The following LAMB4 variants were observed in gnomAD, a reference collection of about 807,000 sequenced individuals.
LAMB4 encodes the protein laminin subunit beta-4.
In LAMB4, 196 loss-of-function variants were observed where a neutral mutation model predicts 199.2. The ratio of observed to expected loss-of-function variants is 0.98; its 90% CI spans 0.88 to 1.11. The LOEUF is 1.11. Among genes scored for constraint, LAMB4 ranks in the 50% least tolerant of loss-of-function variants. The pLI is 0.00. For missense variants in LAMB4, 2,080 were observed against 2,171.2 expected (o/e 0.96, Z 0.83); for synonymous variants, 744 against 770.6 (o/e 0.97, Z 0.57).
intron 9 of LAMB4, among the ~76,000 whole-genome samples, chr7:108,103,467 T>C (rs752972241): frequency 2.0e-5 from 3 of 152,228 alleles, no homozygotes; most frequent in Non-Finnish European, 4.4e-5. Context: ...ATGTTAAATA[T>C]GTAGTTTTTA....
chr7:108,066,312 G>T (rs2036338837), intron 20 of LAMB4, 57 bp downstream of exon 20: 1 of 1,260,414 alleles, frequency 7.9e-7, no homozygotes, highest in South Asian at 1.3e-5. Flanking sequence ...ATCTCTATTA[G>T]GAGATTGGAA....
At chr7:108,046,989 A>T (rs1268075269) in intron 28 of LAMB4, among the ~76,000 whole-genome samples, 2 of 151,644 alleles carry the variant, frequency 1.3e-5, no homozygotes, top group Non-Finnish European at 2.9e-5. Flanking sequence ...CAGGTCTTGA[A>T]CCCCTGGGCT....
chr7:108,077,158 T>C (rs2036734475), intron 16 of LAMB4, 94 bp from the exon 17 acceptor site: 1 of 1,309,780 alleles, frequency 7.6e-7, no homozygotes, highest in Admixed American at 1.8e-5. Context: ...GCACTTGTAC[T>C]GGGCAGTGAC....
chr7:108,051,972 G>T (rs1454171880), intron 26 of LAMB4, 125 bp downstream of exon 26: 2 of 620,242 alleles, frequency 3.2e-6, no homozygotes, highest in East Asian at 2.8e-5. Flanking sequence ...TTTAATGGTT[G>T]TGTTTGCATG....
chr7:108,079,401 T>A (rs1041864679), intron 15 of LAMB4, among the ~76,000 whole-genome samples, 200 bp downstream of exon 15: 1 of 152,216 alleles, frequency 6.6e-6, no homozygotes, highest in Non-Finnish European at 1.5e-5. Context: ...CTTCTCTCCA[T>A]GGGATACAGC....
chr7:108,046,250 T>G (rs1360998597), intron 28 of LAMB4, among the ~76,000 whole-genome samples: 1 of 150,746 alleles, frequency 6.6e-6, no homozygotes, highest in Non-Finnish European at 1.5e-5. Context: ...TTTTTTTTTT[T>G]TTTTTGTATT....
chr7:108,085,469 G>A (rs537301406), intron 14 of LAMB4, among the ~76,000 whole-genome samples: 13 of 152,144 alleles, frequency 8.5e-5, no homozygotes, highest in African/African-American at 2.9e-4. Flanking sequence ...GACATTGAAC[G>A]GCAAATAACA....
chr7:108,119,627 T>G (rs550467816), intron 2 of LAMB4, among the ~76,000 whole-genome samples: 1 of 150,066 alleles, frequency 6.7e-6, no homozygotes, highest in Admixed American at 6.6e-5. Flanking sequence ...GGGAGGGAGG[T>G]GGATGTGGCT....
At chr7:108,071,196 C>A (rs1452146332) in intron 17 of LAMB4, among the ~76,000 whole-genome samples, 1 of 152,176 alleles carries the variant, frequency 6.6e-6, no homozygotes, top group Non-Finnish European at 1.5e-5. Flanking sequence ...CCTGTCTCTG[C>A]CCTTTGACTC....
At chr7:108,013,401 T>C in the LAMB4 span, among the ~76,000 whole-genome samples, 24 of 152,310 alleles carry the variant, frequency 1.6e-4, no homozygotes, top group African/African-American at 5.3e-4. Context: ...TTTCACTTTA[T>C]TTGGTGGGAA....
chr7:108,057,422 C>G (rs186254804), intron 24 of LAMB4, among the ~76,000 whole-genome samples: 26 of 152,170 alleles, frequency 1.7e-4, no homozygotes, highest in African/African-American at 6.0e-4. Flanking sequence ...AGGGAATGAG[C>G]AATATTTTTT....
chr7:108,108,262 C>T (rs2038096589), intron 5 of LAMB4, among the ~76,000 whole-genome samples: 1 of 152,214 alleles, frequency 6.6e-6, no homozygotes, highest in Non-Finnish European at 1.5e-5. Context: ...ACACAATACA[C>T]ACACCACAGT....
intron 1 of LAMB4, among the ~76,000 whole-genome samples, chr7:108,127,189 G>GTT (rs758228106): frequency 0.087 from 6,006 of 68,958 alleles, 244 homozygotes; most frequent in East Asian, 0.25. Context: ...TTTTTTTTGT[G>GTT]TTTTTTTTTT....
In LAMB4 at chr7:108,066,489, C is replaced by T. The variant is rs748198845; in HGVS notation, c.2558G>A (p.Gly853Asp). 3.7e-6 allele frequency: 6 copies of T among 1,614,034 alleles called. No individual in the cohort carries two copies. In the African/African-American group the frequency reaches 6.7e-5, roughly 18 times the overall value. ...SGRRCDRCLA[G>D]YFGFPSCHPC... ...GTGGCAGCTGGGAAATCCAAAGTAG[C>T]CTGCCAGGCAGCGATCACAGCGGCG... is the stretch of plus-strand genomic sequence containing the variant. Residue 853 changes from glycine to aspartate, a missense_variant, in exon 20 of 34, where the codon GGC becomes GAC. By Grantham distance (94) the Gly-to-Asp change is moderately conservative. Transcript: ENST00000388781.
chr7:108,033,801 A>G (rs967113542), intron 31 of LAMB4, among the ~76,000 whole-genome samples: 5 of 138,752 alleles, frequency 3.6e-5, no homozygotes, highest in Non-Finnish European at 4.6e-5. Flanking sequence ...ACATTTAATT[A>G]TAAGAATGTT....
At chr7:108,028,841 GC>G (rs1406755212) in intron 33 of LAMB4, among the ~76,000 whole-genome samples, 1 of 152,108 alleles carries the variant, frequency 6.6e-6, no homozygotes, top group African/African-American at 2.4e-5. Flanking sequence ...CAAGGCAGAT[GC>G]TCATTAACCT....
Position 108,049,445 on chromosome 7 carries a change from A to C in LAMB4, c.4003T>G (p.Ser1335Ala). ...INETSSTINT[S>A]ANTRNDLLTI... is the part of the protein sequence containing the mutation. ...AGTAAGTCATTCCTTGTATTTGCAG[A>C]GGTATTAATGGTGGAACTAGTTTCA... Residue 1335 changes from serine (S) to alanine (A), a missense_variant, in exon 27 of 34, where the codon TCT (serine) becomes GCT (alanine). Coordinates refer to ENST00000388781, the MANE Select transcript of LAMB4 (RefSeq NM_007356.3). The C allele has an allele frequency of 6.3e-7, 1 of 1,589,792 alleles. No homozygotes were observed. Among genetic ancestry groups the C allele is most frequent in the Non-Finnish European group, 8.6e-7 (1 of 1,158,978 alleles).
Position 108,076,998 on chromosome 7 carries a change from A to T in LAMB4, c.2070T>A (p.Phe690Leu). The T allele has an allele frequency of 6.2e-7, 1 of 1,614,038 alleles. No homozygotes were observed. Among genetic ancestry groups the T allele is most frequent in the African/African-American group, 1.3e-5 (1 of 75,072 alleles). ...PDVQYSIDVY[F>L]SQPLQGESHA... ...GGGACTCTCCTTGCAAAGGCTGAGA[A>T]AAATAGACATCTATGGAATATTGTA... The change falls in exon 17 of 34, where the codon TTT (phenylalanine) becomes TTA (leucine). Residue 690 changes from phenylalanine to leucine, a missense_variant. Physicochemically the swap from Phe to Leu is conservative, Grantham distance 22. Coordinates refer to ENST00000388781, the MANE Select transcript of LAMB4 (RefSeq NM_007356.3).
At chr7:108,118,120 G>GT (rs527973200) in intron 2 of LAMB4, among the ~76,000 whole-genome samples, 1,571 of 151,824 alleles carry the variant, frequency 0.01, 63 homozygotes, top group Admixed American at 0.079. Flanking sequence ...TATAGAAATA[G>GT]TTTTTTTTCT....
Sources: gnomAD v4.1 joint callset for allele counts (sites outside exome capture counted in the v4.1 genomes callset) on GRCh38, gnomAD v4.1.1 for gene constraint, MANE v1.5 for transcripts, NCBI Gene and HGNC (gene_info 2026-07-23, HGNC 2026-07-21) for gene names.